RXYLT1: variants seen among roughly 807,000 people sequenced by gnomAD.
The protein encoded by RXYLT1 is ribitol xylosyltransferase 1.
A neutral mutation model predicts 43.5 loss-of-function variants in RXYLT1; 41 were observed. The observed-to-expected ratio is 0.94, with a 90% CI of 0.73 to 1.22. The LOEUF (loss-of-function observed/expected upper bound fraction) is 1.22, where lower values mean the gene tolerates loss of function less well. RXYLT1 is among the 50% of genes most tolerant of loss of function. The pLI, the probability that RXYLT1 is intolerant of heterozygous loss-of-function variation, is 0.00. For synonymous variants in RXYLT1, 166 were observed against 194.4 expected, an observed-to-expected ratio of 0.85 and a Z score of 1.21; for missense variants, 514 against 532.0, an observed-to-expected ratio of 0.97 and a Z score of 0.33.
intron 3 of RXYLT1, chr12:63,795,468 C>G (rs1156694616): frequency 6.6e-6 from 1 of 150,624 alleles, no homozygotes; most frequent in African/African-American, 2.4e-5. Context: ...CAGCACAAAC[C>G]TGTAGTCCCA....
chr12:63,808,126 T>G (rs1898350558), intron 5 of RXYLT1: 1 of 154,030 alleles, frequency 6.5e-6, no homozygotes, highest in Non-Finnish European at 1.4e-5. Flanking sequence ...GCCTTCACTC[T>G]TGCTTGCTCT....
chr12:63,808,978 A>G lies in RXYLT1; in HGVS notation c.1218A>G (p.Glu406=), dbSNP rs544946259. ...AAGAGAAAACTATAATTTTACAAGA[A>G]AAAATTGAAAGAAGAAAAATGTTAC... ...LEKEKTIILQ[E]KIERRKMLLQ... Residue 406 remains glutamate, a synonymous_variant, in exon 6 of 6, where the codon GAA becomes GAG. Coordinates refer to ENST00000261234, the MANE Select transcript of RXYLT1 (RefSeq NM_014254.3). 158 of 1,612,756 alleles carry G rather than the reference A, an allele frequency of 9.8e-5. 2 individuals carry two copies. In the East Asian group the frequency reaches 3.2e-3, roughly 33 times the overall value.
chr12:63,780,813 C>T (rs1348793251), intron 1 of RXYLT1, among the ~76,000 whole-genome samples: 1 of 152,098 alleles, frequency 6.6e-6, no homozygotes, highest in East Asian at 1.9e-4. Context: ...ATTTCTAAGA[C>T]TTTTCAGAGT....
chr12:63,785,096 A>T, intron 3 of RXYLT1, 24 bp downstream of exon 3: 1 of 1,540,822 alleles, frequency 6.5e-7, no homozygotes, highest in African/African-American at 1.4e-5. Flanking sequence ...TAGTTGTGCA[A>T]CATTAACCTT....
chr12:63,792,309 C>G (rs995197709), intron 3 of RXYLT1, among the ~76,000 whole-genome samples: 4 of 152,188 alleles, frequency 2.6e-5, no homozygotes, highest in African/African-American at 4.8e-5. Context: ...TAAAAATGCA[C>G]TATTTTGATA....
chr12:63,789,253 G>A (rs999490946), intron 3 of RXYLT1, among the ~76,000 whole-genome samples: 5 of 152,190 alleles, frequency 3.3e-5, no homozygotes, highest in African/African-American at 4.8e-5. Flanking sequence ...GGAATAGGGA[G>A]GCCCAAGGAG....
chr12:63,793,611 G>A (rs1308667403), intron 3 of RXYLT1, among the ~76,000 whole-genome samples: 1 of 152,078 alleles, frequency 6.6e-6, no homozygotes, highest in African/African-American at 2.4e-5. Flanking sequence ...ATACATTTAG[G>A]AGATTTTATA....
chr12:63,788,398 T>C (rs934227737), intron 3 of RXYLT1, among the ~76,000 whole-genome samples: 4 of 152,248 alleles, frequency 2.6e-5, no homozygotes, highest in Non-Finnish European at 4.4e-5. Flanking sequence ...CTTCTGCTGA[T>C]ATAAAGCTGT....
In RXYLT1 at chr12:63,802,204, T is replaced by C. The variant is rs1435813249; in HGVS notation, c.542T>C (p.Leu181Ser). Reference sequence around the variant, plus strand: ...AAGATCTTTTATGCCACCCAGTGGTTACTTTATGCACAAAATTTAGTGCAA... The same window carrying C: ...AAGATCTTTTATGCCACCCAGTGGTCACTTTATGCACAAAATTTAGTGCAA... Reference protein sequence around the residue: ...KAKIFYATQWLLYAQNLVQIQ... With the variant: ...KAKIFYATQWSLYAQNLVQIQ... The change falls in exon 4 of 6, where the codon TTA becomes TCA. Residue 181 changes from leucine (L) to serine (S), a missense_variant. Leu to Ser is a moderately radical substitution (Grantham distance 145, BLOSUM62 -2). Coordinates refer to ENST00000261234, the MANE Select transcript of RXYLT1 (RefSeq NM_014254.3). The C allele has an allele frequency of 1.2e-6, 2 of 1,614,160 alleles. No homozygotes were observed. Among genetic ancestry groups the C allele is most frequent in the Non-Finnish European group, 8.5e-7 (1 of 1,180,018 alleles).
intron 3 of RXYLT1, among the ~76,000 whole-genome samples, chr12:63,792,930 A>C (rs575091332): frequency 6.6e-6 from 1 of 152,174 alleles, no homozygotes; most frequent in South Asian, 2.1e-4. Flanking sequence ...GGGTCTTGCT[A>C]TGTTGCCCAG....
intron 2 of RXYLT1, among the ~76,000 whole-genome samples, chr12:63,784,509 T>G (rs935447152): frequency 5.9e-5 from 9 of 152,252 alleles, no homozygotes; most frequent in African/African-American, 1.9e-4. Context: ...GGAGGTAATA[T>G]CCCCTTGACA....
intron 3 of RXYLT1, among the ~76,000 whole-genome samples, chr12:63,789,295 G>C (rs1897871255): frequency 4.6e-5 from 7 of 152,168 alleles, no homozygotes. Context: ...CTGGTTGGTG[G>C]AGCAGTTAGA....
chr12:63,780,525 C>T, intron 1 of RXYLT1: 2 of 1,036,932 alleles, frequency 1.9e-6, no homozygotes, highest in South Asian at 8.4e-5. Context: ...GACCATAAGG[C>T]AGACTTTACC....
At chr12:63,780,837 TAAAA>T (rs760419233) in intron 1 of RXYLT1, among the ~76,000 whole-genome samples, 178 bp from the exon 2 acceptor site, 4 of 152,204 alleles carry the variant, frequency 2.6e-5, no homozygotes, top group Non-Finnish European at 5.9e-5. Flanking sequence ...AAAAGTTCAG[TAAAA>T]AAATTGCTGA....
In RXYLT1 at chr12:63,809,310, T is replaced by A. The variant is rs1898396963; in HGVS notation, c.*218T>A. The A allele has an allele frequency of 2.4e-6, 1 of 425,216 alleles. No homozygotes were observed. Among genetic ancestry groups the A allele is most frequent in the Admixed American group, 4.2e-5 (1 of 23,562 alleles). 26.3% of individuals were successfully genotyped at this position (425,216 alleles called of 1,614,324 possible). ...GAGCTGAAAAATTTCTATCGCCTAG[T>A]GATGTCATAGCCTAGTGATGACATA... On this transcript the variant is annotated 3_prime_UTR_variant, in exon 6 of 6. Transcript: ENST00000261234.
At chr12:63,784,547 C>T (rs1423524574) in intron 2 of RXYLT1, among the ~76,000 whole-genome samples, 2 of 152,216 alleles carry the variant, frequency 1.3e-5, no homozygotes, top group East Asian at 3.8e-4. Flanking sequence ...TATGTACATA[C>T]ATGAGCTCCT....
At chr12:63,792,353 C>G (rs1344657881) in intron 3 of RXYLT1, among the ~76,000 whole-genome samples, 1 of 152,172 alleles carries the variant, frequency 6.6e-6, no homozygotes, top group Non-Finnish European at 1.5e-5. Flanking sequence ...GCTGCTGAAA[C>G]TCTTTCTCTC....
In RXYLT1 at chr12:63,799,365, C is replaced by T. The variant is rs138999940; in HGVS notation, c.429-2726C>T. ...TGTTACCCAGGCTGAAGTGCAGTGG[C>T]GTGATCTCAGCTCACTGCAGCCTTG... On this transcript the variant is annotated intron_variant, in intron 3 of 5. Coordinates refer to ENST00000261234, the MANE Select transcript of RXYLT1 (RefSeq NM_014254.3). Among the ~76,000 whole-genome samples, 52 of 133,532 alleles carry T rather than the reference C, an allele frequency of 3.9e-4. No homozygotes were observed. The East Asian group carries it at 0.011, about 28-fold the overall frequency. The allele number at this position is 133,532 out of a possible 152,430, so 87.6% of individuals were successfully genotyped here.
At chr12:63,794,134 G>A (rs1437549005) in intron 3 of RXYLT1, among the ~76,000 whole-genome samples, 1 of 152,106 alleles carries the variant, frequency 6.6e-6, no homozygotes, top group Non-Finnish European at 1.5e-5. Flanking sequence ...GATTCTCTGG[G>A]GCCAGCTAAA....
Sources: gnomAD v4.1 joint callset for allele counts (sites outside exome capture counted in the v4.1 genomes callset) on GRCh38, gnomAD v4.1.1 for gene constraint, MANE v1.5 for transcripts, NCBI Gene and HGNC (gene_info 2026-07-23, HGNC 2026-07-21) for gene names.